Variants in KIZ observed in about 807,000 individuals in gnomAD.
KIZ encodes kizuna centrosomal protein, also known as centrosomal protein kizuna.
Under a neutral mutation model 79.6 loss-of-function variants are expected in KIZ, and 68 were observed. That is an observed-to-expected ratio of 0.85 (90% CI 0.70 to 1.05). KIZ has a LOEUF of 1.05. Ranked by LOEUF, KIZ falls within the 50% of genes least tolerant of loss-of-function variation. The pLI, the probability that KIZ is intolerant of heterozygous loss-of-function variation, is 0.00. For missense variants in KIZ, 797 were observed against 800.4 expected, an observed-to-expected ratio of 1.00 and a Z score of 0.05; for synonymous variants, 280 against 281.8, an observed-to-expected ratio of 0.99 and a Z score of 0.06.
intron 9 of KIZ, among the ~76,000 whole-genome samples, chr20:21,217,341 C>T (rs2123324603): frequency 1.3e-5 from 2 of 152,296 alleles, no homozygotes; most frequent in Admixed American, 1.3e-4. Flanking sequence ...ACCATCATCC[C>T]TTTATTAAAT....
intron 6 of KIZ, among the ~76,000 whole-genome samples, chr20:21,182,319 A>G (rs1482776413): frequency 6.6e-6 from 1 of 152,212 alleles, no homozygotes; most frequent in Non-Finnish European, 1.5e-5. Flanking sequence ...CCACAGCCTT[A>G]TATAGCTTCC....
intron 6 of KIZ, among the ~76,000 whole-genome samples, chr20:21,169,638 G>A (rs981373513): frequency 1.3e-5 from 2 of 152,146 alleles, no homozygotes; most frequent in African/African-American, 4.8e-5. Flanking sequence ...ACGTATGTTT[G>A]TTGCGGCACT....
chr20:21,220,061 A>G lies in KIZ; in HGVS notation c.1678+4413A>G, dbSNP rs2036451949. ...AAATCAAAGATGAATTTTTATATCT[A>G]TAAATGTATGGTTTTCTGTATATAA... On this transcript the variant is annotated intron_variant, in intron 9 of 12. Transcript: ENST00000619189. Among the ~76,000 whole-genome samples the G allele has an allele frequency of 2.0e-5, 3 of 151,778 alleles. No individual in the cohort carries two copies. In the South Asian group the frequency reaches 6.2e-4, roughly 31 times the overall value.
intron 1 of KIZ, chr20:21,131,849 C>G: frequency 3.0e-6 from 1 of 332,572 alleles, no homozygotes; most frequent in Non-Finnish European, 5.5e-6. Context: ...TATTGGTGTT[C>G]GTTTTGTTTT....
chr20:21,218,315 G>A (rs1235899630), intron 9 of KIZ: 2 of 152,084 alleles, frequency 1.3e-5, no homozygotes, highest in South Asian at 2.1e-4. Flanking sequence ...TGTGCCCTTA[G>A]TAACCCTATG....
chr20:21,170,633 C>G (rs1362415684), intron 6 of KIZ, among the ~76,000 whole-genome samples: 1 of 152,154 alleles, frequency 6.6e-6, no homozygotes, highest in African/African-American at 2.4e-5. Flanking sequence ...CGTGATCTGC[C>G]CGCCTCAGCC....
rs146893021 is a variant in KIZ at position 21,156,458 on chromosome 20, A to G, written c.406-5413A>G. ...GCCTAATGACTTAACATTGTAGTGT[A>G]ATGCATTCCTGACATGTTTGTGGTG... is the stretch of plus-strand genomic sequence containing the variant. On this transcript the variant is annotated intron_variant, in intron 4 of 12. Transcript: ENST00000619189. 1.9e-3 allele frequency among the ~76,000 whole-genome samples: 290 copies of G among 152,344 alleles called. 2 individuals carry two copies. The highest frequency in any genetic ancestry group is 6.7e-3 in the East Asian group (35 of 5,190).
At chr20:21,235,939 A>G (rs1474042318) in intron 11 of KIZ, among the ~76,000 whole-genome samples, 1 of 152,268 alleles carries the variant, frequency 6.6e-6, no homozygotes, top group Non-Finnish European at 1.5e-5. Flanking sequence ...AAAGATTATA[A>G]GGAACCAATA....
intron 7 of KIZ, among the ~76,000 whole-genome samples, chr20:21,212,328 A>G (rs1257073462): frequency 1.3e-5 from 2 of 152,226 alleles, no homozygotes; most frequent in Non-Finnish European, 2.9e-5. Context: ...CCAACTTACA[A>G]TGGTTCAACT....
intron 6 of KIZ, among the ~76,000 whole-genome samples, chr20:21,203,361 G>A (rs1347557606): frequency 1.3e-5 from 2 of 152,126 alleles, no homozygotes; most frequent in Non-Finnish European, 2.9e-5. Flanking sequence ...ATGTGATTAA[G>A]TTCCAGGCCA....
intron 6 of KIZ, among the ~76,000 whole-genome samples, chr20:21,199,314 T>C (rs1212368637): frequency 1.3e-5 from 2 of 152,254 alleles, no homozygotes; most frequent in Non-Finnish European, 2.9e-5. Flanking sequence ...AAATGATCCT[T>C]CTTTATGACC....
intron 6 of KIZ, among the ~76,000 whole-genome samples, chr20:21,199,650 C>T (rs1250168248): frequency 1.3e-5 from 2 of 152,148 alleles, no homozygotes; most frequent in Non-Finnish European, 2.9e-5. Context: ...TCCTCTTGTG[C>T]CCCTTAGCAC....
intron 6 of KIZ, chr20:21,166,679 T>C (rs1329513358): frequency 4.5e-6 from 3 of 666,412 alleles, no homozygotes; most frequent in Non-Finnish European, 7.7e-6. Flanking sequence ...GCTGGTCTTG[T>C]ACTCCCTACC....
chr20:21,150,827 G>A (rs1466178715), intron 4 of KIZ: 2 of 152,302 alleles, frequency 1.3e-5, no homozygotes, highest in African/African-American at 4.8e-5. Flanking sequence ...CACCTGGTGA[G>A]TGATGATAAC....
At chr20:21,201,974 C>A (rs1406419257) in intron 6 of KIZ, among the ~76,000 whole-genome samples, 1 of 152,198 alleles carries the variant, frequency 6.6e-6, no homozygotes, top group East Asian at 1.9e-4. Context: ...AAGTCACAAA[C>A]CCTAGGTGCT....
chr20:21,175,586 C>T (rs2034399098), intron 6 of KIZ, among the ~76,000 whole-genome samples: 1 of 152,162 alleles, frequency 6.6e-6, no homozygotes, highest in Admixed American at 6.5e-5. Context: ...CACCAGAAGA[C>T]TGAAACCTAA....
intron 3 of KIZ, among the ~76,000 whole-genome samples, chr20:21,144,606 C>T (rs556838544): frequency 6.8e-6 from 1 of 146,460 alleles, no homozygotes; most frequent in East Asian, 2.0e-4. Context: ...AAATCCATAC[C>T]TAACTGTTAC....
chr20:21,219,010 T>A (rs1376791982), intron 9 of KIZ, among the ~76,000 whole-genome samples: 1 of 152,212 alleles, frequency 6.6e-6, no homozygotes, highest in Non-Finnish European at 1.5e-5. Context: ...TTCAGCCATT[T>A]CAGAAGAAGT....
intron 9 of KIZ, among the ~76,000 whole-genome samples, chr20:21,217,643 A>G (rs2036347390): frequency 6.6e-6 from 1 of 151,918 alleles, no homozygotes. Context: ...CTGTTTCTCT[A>G]CCCTCTCTGA....
Sources: allele counts gnomAD v4.1 joint callset (sites outside exome capture counted in the v4.1 genomes callset), GRCh38; gene constraint gnomAD v4.1.1; transcripts MANE v1.5; gene names NCBI Gene and HGNC (gene_info 2026-07-23, HGNC 2026-07-21).